PCBP3: variants seen among roughly 807,000 people sequenced by gnomAD.
The protein encoded by PCBP3 is poly(rC) binding protein 3.
PCBP3 carries 25 observed loss-of-function variants against 52.7 expected under a neutral mutation model. That is an observed-to-expected ratio of 0.47 (90% CI 0.35 to 0.66). The LOEUF (loss-of-function observed/expected upper bound fraction) is 0.66, where lower values mean the gene tolerates loss of function less well. Ranked by LOEUF, PCBP3 falls within the 30% of genes least tolerant of loss-of-function variation. PCBP3 has a pLI of 0.01. For missense variants in PCBP3, 391 were observed against 490.3 expected (o/e 0.80, Z 1.91); for synonymous variants, 162 against 183.0 (o/e 0.89, Z 0.93).
intron 16 of PCBP3, chr21:45,935,615 T>A (rs940358361): frequency 1.1e-5 from 5 of 473,634 alleles, no homozygotes; most frequent in Non-Finnish European, 2.0e-5. Context: ...ACTGCCCTGG[T>A]GCGGGCCAAA....
chr21:45,716,531 G>T (rs2084236176), intron 2 of PCBP3, among the ~76,000 whole-genome samples: 1 of 152,154 alleles, frequency 6.6e-6, no homozygotes, highest in Non-Finnish European at 1.5e-5. Flanking sequence ...TTCTTGCTGT[G>T]TCTTCACTGT....
chr21:45,784,528 C>T (rs1452759286), intron 4 of PCBP3, among the ~76,000 whole-genome samples: 3 of 152,322 alleles, frequency 2.0e-5, no homozygotes, highest in African/African-American at 7.2e-5. Context: ...CTGGACTGTA[C>T]TGCTGCCATC....
chr21:45,799,846 A>G (rs2092219474), intron 4 of PCBP3, among the ~76,000 whole-genome samples: 1 of 152,246 alleles, frequency 6.6e-6, no homozygotes, highest in Non-Finnish European at 1.5e-5. Flanking sequence ...ATGATTAAAA[A>G]ATAATGAGCT....
In PCBP3 at chr21:45,853,329, A is replaced by AG. The variant is rs780998660; in HGVS notation, c.10+3234_10+3235insG. 6.6e-6 allele frequency among the ~76,000 whole-genome samples: 1 copy of AG among 152,210 alleles called. No homozygotes were observed. The highest frequency in any genetic ancestry group is 1.5e-5 in the Non-Finnish European group (1 of 68,032). On this transcript the variant is annotated intron_variant, in intron 5 of 17. Transcript: ENST00000681687. This position sits in a 1 kb window ranked among gnomAD's most constrained non-coding sequence, Gnocchi z 4.6. Reference sequence around the variant, plus strand: ...CAGATGCCGTGGGTTGGGTGTGCCAATGGCCCTTAAAGGCAGGGCTGGCGT... The same window carrying AG: ...CAGATGCCGTGGGTTGGGTGTGCCAAGTGGCCCTTAAAGGCAGGGCTGGCGT...
intron 2 of PCBP3, among the ~76,000 whole-genome samples, chr21:45,700,095 T>C (rs1296304437): frequency 1.3e-5 from 2 of 152,198 alleles, no homozygotes. Flanking sequence ...GACCCATGCA[T>C]GCCAGTGACA....
At chr21:45,888,841 A>G (rs2095584920) in intron 5 of PCBP3, among the ~76,000 whole-genome samples, 2 of 152,250 alleles carry the variant, frequency 1.3e-5, no homozygotes, top group South Asian at 4.1e-4. Context: ...ACACACGTGG[A>G]CAGTATCTAT....
intron 4 of PCBP3, among the ~76,000 whole-genome samples, chr21:45,782,094 A>G (rs372735363): frequency 6.6e-6 from 1 of 152,170 alleles, no homozygotes; most frequent in African/African-American, 2.4e-5. Flanking sequence ...TTTTTGGAGC[A>G]AGATAACATT....
At chr21:45,886,865 A>C (rs533981424) in intron 5 of PCBP3, among the ~76,000 whole-genome samples, 1 of 152,254 alleles carries the variant, frequency 6.6e-6, no homozygotes, top group South Asian at 2.1e-4. Flanking sequence ...CCACCCCCGC[A>C]TGGGGTTCGG....
At chr21:45,841,561 C>T (rs529214285) in intron 4 of PCBP3, among the ~76,000 whole-genome samples, 7 of 152,294 alleles carry the variant, frequency 4.6e-5, no homozygotes, top group Admixed American at 2.0e-4. Flanking sequence ...TTCAGTTTCA[C>T]ATATTACGCT....
intron 4 of PCBP3, chr21:45,760,328 A>G (rs1251533418): frequency 6.6e-6 from 1 of 152,178 alleles, no homozygotes; most frequent in Non-Finnish European, 1.5e-5. Context: ...GGCATGCACC[A>G]CTATGCCTGG....
chr21:45,863,461 G>A (rs985747845), intron 5 of PCBP3, among the ~76,000 whole-genome samples: 2 of 152,346 alleles, frequency 1.3e-5, no homozygotes, highest in African/African-American at 2.4e-5. Context: ...TCGCCGGGCT[G>A]TTGAGTCGCC....
intron 4 of PCBP3, among the ~76,000 whole-genome samples, chr21:45,836,041 G>A (rs966916973): frequency 3.9e-5 from 6 of 152,106 alleles, no homozygotes; most frequent in African/African-American, 1.4e-4. Context: ...GAGGGGCAAC[G>A]TGGGGCCCGA....
intron 5 of PCBP3, among the ~76,000 whole-genome samples, chr21:45,879,526 T>A (rs942410708): frequency 6.6e-6 from 1 of 152,204 alleles, no homozygotes; most frequent in African/African-American, 2.4e-5. Context: ...GGTTTTTATG[T>A]GCACATGGGA....
intron 5 of PCBP3, among the ~76,000 whole-genome samples, chr21:45,881,419 G>C (rs2095402611): frequency 6.6e-6 from 1 of 152,030 alleles, no homozygotes; most frequent in African/African-American, 2.4e-5. Context: ...TGTCTCCCAG[G>C]AGTTGAGACC....
chr21:45,708,028 C>T (rs1327928510), intron 2 of PCBP3, among the ~76,000 whole-genome samples: 1 of 152,210 alleles, frequency 6.6e-6, no homozygotes, highest in Non-Finnish European at 1.5e-5. Context: ...GCAAAGCCGA[C>T]GTTCTGCTTC....
In PCBP3 at chr21:45,646,115, G is replaced by C. The variant is rs867229560; in HGVS notation, c.-279+2247G>C. On this transcript the variant is annotated intron_variant, in intron 1 of 17. Transcript: ENST00000681687. ...TCTCTCTCTCTCTCTCTCTGTGTGT[G>C]TGTGTGTGTGTGTGTGTGTGTGTGT... Among the ~76,000 whole-genome samples, 518 of 114,726 alleles carry C rather than the reference G, an allele frequency of 4.5e-3. 3 individuals carry two copies. The highest frequency in any genetic ancestry group is 0.013 in the African/African-American group (353 of 27,844). The allele number at this position is 114,726 out of a possible 152,430, so 75.3% of individuals were successfully genotyped here. A position where few individuals can be genotyped will look rare whatever the true frequency, so the allele number is the denominator to read the frequency against.
chr21:45,873,564 G>A (rs190241789), intron 5 of PCBP3, among the ~76,000 whole-genome samples: 31 of 152,270 alleles, frequency 2.0e-4, no homozygotes, highest in African/African-American at 6.5e-4. Context: ...TTCAGACGCT[G>A]TGTCGTTTAT....
At chr21:45,913,880 G>C in intron 11 of PCBP3, 71 bp from the exon 12 acceptor site, 1 of 1,410,972 alleles carries the variant, frequency 7.1e-7, no homozygotes, top group Non-Finnish European at 9.7e-7. Context: ...GTGGGCCGGG[G>C]CACGCCTCCC....
Position 45,657,674 on chromosome 21 carries a change from G to GAA in PCBP3, c.-278-11190_-278-11189dup, listed in dbSNP as rs35393546. Among the ~76,000 whole-genome samples, 293 of 144,220 alleles carry GAA rather than the reference G, an allele frequency of 2.0e-3. 1 individual carries two copies. Among genetic ancestry groups the GAA allele is most frequent in the Non-Finnish European group, 3.3e-3 (220 of 65,782 alleles). The allele number at this position is 144,220 out of a possible 152,430, so 94.6% of individuals were successfully genotyped here. A position where few individuals can be genotyped will look rare whatever the true frequency, so the allele number is the denominator to read the frequency against. On this transcript the variant is annotated intron_variant, in intron 1 of 17. Transcript: ENST00000681687. ...TTTAGGTTTGGTTTGTCACTTTCTGGAAAAAAAAAAAGGCAGGTAGAATTT... is the reference window on the plus strand; with the variant it reads ...TTTAGGTTTGGTTTGTCACTTTCTGGAAAAAAAAAAAAAGGCAGGTAGAATTT...
Sources: gnomAD v4.1 joint callset for allele counts (sites outside exome capture counted in the v4.1 genomes callset) on GRCh38, gnomAD v4.1.1 for gene constraint, Gnocchi (gnomAD v3.1) non-coding constraint, MANE v1.5 for transcripts, NCBI Gene and HGNC (gene_info 2026-07-23, HGNC 2026-07-21) for gene names.